Variants in ZFHX3 observed in about 807,000 individuals in gnomAD.
ZFHX3 encodes zinc finger homeobox 3, also known as zinc finger homeobox protein 3.
Under a neutral mutation model 279.1 loss-of-function variants are expected in ZFHX3, and 42 were observed. The observed-to-expected ratio is 0.15, with a 90% CI of 0.12 to 0.19. The LOEUF (loss-of-function observed/expected upper bound fraction) is 0.19. Among genes scored for constraint, ZFHX3 ranks in the 10% least tolerant of loss-of-function variants. The probability of loss-of-function intolerance (pLI) is 1.00; values close to 1 mark genes in which losing one functional copy is unlikely to be tolerated. For missense variants in ZFHX3, 4,981 were observed against 4,754.0 expected (o/e 1.05, Z -1.40); for synonymous variants, 2,293 against 1,957.8 (o/e 1.17, Z -4.52).
intron 5 of ZFHX3, among the ~76,000 whole-genome samples, chr16:73,249,241 T>C (rs2013407705): frequency 1.3e-5 from 2 of 152,244 alleles, no homozygotes; most frequent in South Asian, 4.1e-4. Context: ...CCTAACTTAC[T>C]TTCTTTGAAG....
At chr16:73,725,540 A>AGTGAGTGAGT (rs147139764) in intron 1 of ZFHX3, among the ~76,000 whole-genome samples, 4 of 148,358 alleles carry the variant, frequency 2.7e-5, no homozygotes, top group African/African-American at 5.0e-5. Flanking sequence ...AGTGTGAGTG[A>AGTGAGTGAGT]GTGTGTGTGT....
rs531921878 is a variant in ZFHX3, at chr16:73,891,355, AGCAAC to A, written c.-1608+291_-1608+295del. ...AGAAAGATACACACATACACGTGTC[AGCAAC>A]GCGGCCCAGGCAGTCCTATTTGCAT... On this transcript the variant is annotated intron_variant, in intron 1 of 17. Transcript: ENST00000641206. Among the ~76,000 whole-genome samples the A allele has an allele frequency of 2.5e-4, 38 of 152,206 alleles. No homozygotes were observed. In the East Asian group the frequency reaches 6.5e-3, roughly 26 times the overall value.
intron 3 of ZFHX3, among the ~76,000 whole-genome samples, chr16:73,322,362 A>G (rs749064588): frequency 6.6e-6 from 1 of 152,172 alleles, no homozygotes; most frequent in African/African-American, 2.4e-5. Flanking sequence ...TCCCATTTAA[A>G]TGTGCCATAA....
intron 1 of ZFHX3, among the ~76,000 whole-genome samples, chr16:73,741,664 T>C (rs2053658985): frequency 6.6e-6 from 1 of 152,210 alleles, no homozygotes. Flanking sequence ...GGAGACAAAA[T>C]GCCATCATTT....
At chr16:73,834,097 G>C (rs1236882461) in intron 1 of ZFHX3, among the ~76,000 whole-genome samples, 1 of 152,138 alleles carries the variant, frequency 6.6e-6, no homozygotes, top group African/African-American at 2.4e-5. Context: ...TTTCTCTGAA[G>C]ACCTGGCCAA....
At chr16:72,907,868 G>C (rs974502294) in intron 3 of ZFHX3, among the ~76,000 whole-genome samples, 2 of 151,832 alleles carry the variant, frequency 1.3e-5, no homozygotes, top group African/African-American at 4.8e-5. Context: ...ATTTTTAGTA[G>C]AGATGGGGTC....
rs565664402 is a variant in ZFHX3 at position 72,874,198 on chromosome 16, A to ATTTTTT, written c.3448+15527_3448+15532dup. Reference sequence around the variant, plus strand: ...TGGAGCTCAGATGGAGGATTTTTTGATTTTTTTTTTTTTTTTTTTTTTTTT... The same window carrying ATTTTTT: ...TGGAGCTCAGATGGAGGATTTTTTGATTTTTTTTTTTTTTTTTTTTTTTTTTTTTTT... On this transcript the variant is annotated intron_variant, in intron 4 of 9. Coordinates refer to ENST00000268489, the MANE Select transcript of ZFHX3 (RefSeq NM_006885.4). Among the ~76,000 whole-genome samples the ATTTTTT allele has an allele frequency of 3.5e-3, 335 of 95,100 alleles. 38 individuals are homozygous for ATTTTTT. Among genetic ancestry groups the ATTTTTT allele is most frequent in the African/African-American group, 0.013 (283 of 21,210 alleles). 62.4% of individuals were successfully genotyped at this position (95,100 alleles called of 152,430 possible). A position where few individuals can be genotyped will look rare whatever the true frequency, so the allele number is the denominator to read the frequency against.
intron 4 of ZFHX3, among the ~76,000 whole-genome samples, chr16:73,292,958 A>G (rs546229080): frequency 6.6e-6 from 1 of 152,350 alleles, no homozygotes; most frequent in East Asian, 1.9e-4. Context: ...AGCCAAGTCA[A>G]CACATCTGGG....
At chr16:73,775,334 T>C (rs1959221644) in intron 1 of ZFHX3, among the ~76,000 whole-genome samples, 1 of 152,174 alleles carries the variant, frequency 6.6e-6, no homozygotes, top group Non-Finnish European at 1.5e-5. Context: ...GTAGCACCAA[T>C]ATAGTTATAT....
intron 2 of ZFHX3, among the ~76,000 whole-genome samples, chr16:73,495,201 T>C (rs1012444844): frequency 6.6e-6 from 1 of 152,250 alleles, no homozygotes; most frequent in African/African-American, 2.4e-5. Flanking sequence ...ATCTAATGCA[T>C]AACCTGATGT....
At chr16:73,735,756 C>G (rs2053603770) in intron 1 of ZFHX3, among the ~76,000 whole-genome samples, 1 of 152,140 alleles carries the variant, frequency 6.6e-6, no homozygotes. Context: ...CATCTCATGG[C>G]TTTGTACAGT....
At chr16:73,844,372 A>G (rs888613217) in intron 1 of ZFHX3, among the ~76,000 whole-genome samples, 1 of 152,212 alleles carries the variant, frequency 6.6e-6, no homozygotes, top group Non-Finnish European at 1.5e-5. Flanking sequence ...CAAATAAGAA[A>G]GCATGACCCT....
intron 1 of ZFHX3, among the ~76,000 whole-genome samples, chr16:73,801,430 T>G (rs1280286863): frequency 1.3e-5 from 2 of 152,222 alleles, no homozygotes; most frequent in Non-Finnish European, 2.9e-5. Context: ...TCCTTTCCTC[T>G]GATAGCTACT....
At chr16:73,342,764 C>T (rs1432059517) in intron 3 of ZFHX3, among the ~76,000 whole-genome samples, 1 of 152,066 alleles carries the variant, frequency 6.6e-6, no homozygotes, top group Non-Finnish European at 1.5e-5. Context: ...TGCCTTTTTA[C>T]TTAATTTTGA....
chr16:73,040,461 C>G (rs994324117), intron 1 of ZFHX3, among the ~76,000 whole-genome samples: 2 of 152,018 alleles, frequency 1.3e-5, no homozygotes, highest in Non-Finnish European at 2.9e-5. Flanking sequence ...TATTAGCATA[C>G]ACAAGCCAGC....
chr16:73,687,439 G>GTGT (rs2053100816), intron 1 of ZFHX3, among the ~76,000 whole-genome samples: 1 of 151,728 alleles, frequency 6.6e-6, no homozygotes, highest in Non-Finnish European at 1.5e-5. Context: ...AATTTATCCT[G>GTGT]TGTTGTTACA....
chr16:73,227,848 CAAAAAAAAAA>C (rs398029895), intron 5 of ZFHX3, among the ~76,000 whole-genome samples: 1 of 46,042 alleles, frequency 2.2e-5, no homozygotes, highest in Non-Finnish European at 3.5e-5. Context: ...GATTCTGTCT[CAAAAAAAAAA>C]AAAAAAAAAA....
At chr16:73,526,835 A>G (rs977123588) in intron 2 of ZFHX3, among the ~76,000 whole-genome samples, 3 of 151,910 alleles carry the variant, frequency 2.0e-5, no homozygotes. Context: ...TTGCAGGGCA[A>G]ATGACCATTC....
chr16:73,818,857 C>T (rs939786438), intron 1 of ZFHX3, among the ~76,000 whole-genome samples: 2 of 152,204 alleles, frequency 1.3e-5, no homozygotes, highest in East Asian at 3.8e-4. Flanking sequence ...GGGAGCCCTA[C>T]AGTTTCATTG....
Sources: gnomAD v4.1 joint callset for allele counts (sites outside exome capture counted in the v4.1 genomes callset) on GRCh38, gnomAD v4.1.1 for gene constraint, MANE v1.5 for transcripts, NCBI Gene and HGNC (gene_info 2026-07-23, HGNC 2026-07-21) for gene names.